CCDC91: variants seen among roughly 807,000 people sequenced by gnomAD.
CCDC91 encodes coiled-coil domain containing 91.
A neutral mutation model predicts 63.2 loss-of-function variants in CCDC91; 48 were observed. The ratio of observed to expected loss-of-function variants is 0.76; its 90% confidence interval spans 0.60 to 0.97. The LOEUF is 0.97. Among genes scored for constraint, CCDC91 ranks in the 50% least tolerant of loss-of-function variants. The pLI is 0.00. For missense variants in CCDC91, 500 were observed against 494.6 expected (o/e 1.01, Z -0.10); for synonymous variants, 167 against 165.8 (o/e 1.01, Z -0.06).
chr12:28,422,790 A>G (rs1439103665), intron 8 of CCDC91, among the ~76,000 whole-genome samples: 2 of 152,092 alleles, frequency 1.3e-5, no homozygotes, highest in Non-Finnish European at 2.9e-5. Context: ...GAGTAGGAAA[A>G]TCATCATCCT....
At chr12:28,452,681 AT>A in intron 11 of CCDC91, 27 bp downstream of exon 11, 1 of 1,278,872 alleles carries the variant, frequency 7.8e-7, no homozygotes, top group Non-Finnish European at 1.1e-6. Flanking sequence ...GTTAGTAAAT[AT>A]TTACTTTTTT....
chr12:28,213,392 A>G (rs1219041305), intron 1 of CCDC91, among the ~76,000 whole-genome samples: 2 of 152,252 alleles, frequency 1.3e-5, no homozygotes, highest in Non-Finnish European at 2.9e-5. Flanking sequence ...TTCTATTTAT[A>G]CAGACAAAAG....
At chr12:28,521,480 G>A (rs1173509602) in intron 12 of CCDC91, among the ~76,000 whole-genome samples, 14 of 152,048 alleles carry the variant, frequency 9.2e-5, no homozygotes, top group Non-Finnish European at 1.6e-4. Flanking sequence ...GGGCTGAGAC[G>A]ACGTGGTTTT....
At chr12:28,285,460 A>G (rs1948854167) in intron 3 of CCDC91, among the ~76,000 whole-genome samples, 1 of 152,068 alleles carries the variant, frequency 6.6e-6, no homozygotes, top group African/African-American at 2.4e-5. Flanking sequence ...CTCAAGGTCC[A>G]TTCTCTCCCT....
chr12:28,342,658 G>A (rs1352031290), intron 6 of CCDC91, among the ~76,000 whole-genome samples: 3 of 152,036 alleles, frequency 2.0e-5, no homozygotes, highest in African/African-American at 7.2e-5. Context: ...GATGGGGAGA[G>A]CAATACCCCT....
intron 1 of CCDC91, among the ~76,000 whole-genome samples, chr12:28,246,647 T>G (rs986992626): frequency 6.6e-6 from 1 of 152,100 alleles, no homozygotes; most frequent in African/African-American, 2.4e-5. Flanking sequence ...TTAGAAATAG[T>G]TATACAGTAT....
At chr12:28,545,229 A>C (rs891038187) in intron 12 of CCDC91, among the ~76,000 whole-genome samples, 2 of 152,090 alleles carry the variant, frequency 1.3e-5, no homozygotes, top group African/African-American at 4.8e-5. Context: ...CTTTGAAATG[A>C]AAGCCACAAA....
intron 3 of CCDC91, among the ~76,000 whole-genome samples, chr12:28,303,539 A>G (rs890530992): frequency 1.3e-5 from 2 of 152,178 alleles, no homozygotes; most frequent in Non-Finnish European, 2.9e-5. Context: ...AGTAACATAA[A>G]TAAATATTAA....
intron 8 of CCDC91, among the ~76,000 whole-genome samples, chr12:28,416,818 C>G (rs976587970): frequency 1.3e-5 from 2 of 152,086 alleles, no homozygotes; most frequent in Non-Finnish European, 2.9e-5. Flanking sequence ...TGTCAGTACT[C>G]AGACACAGAC....
intron 4 of CCDC91, among the ~76,000 whole-genome samples, chr12:28,306,477 A>G (rs1938743777): frequency 6.6e-6 from 1 of 152,072 alleles, no homozygotes; most frequent in South Asian, 2.1e-4. Flanking sequence ...GCACAGGAAA[A>G]AGTTAAGTCT....
At chr12:28,504,948 A>G (rs1279181870) in intron 12 of CCDC91, among the ~76,000 whole-genome samples, 3 of 151,984 alleles carry the variant, frequency 2.0e-5, no homozygotes, top group Admixed American at 6.6e-5. Flanking sequence ...AGTGGCACTT[A>G]CAGAAAAACC....
intron 1 of CCDC91, among the ~76,000 whole-genome samples, chr12:28,228,787 A>G (rs778232608): frequency 2.6e-5 from 4 of 152,142 alleles, no homozygotes; most frequent in Non-Finnish European, 5.9e-5. Flanking sequence ...TGTTAGGTTA[A>G]AAGAAATAAA....
At chr12:28,353,032 ACTAT>A (rs1444448230) in intron 6 of CCDC91, among the ~76,000 whole-genome samples, 1 of 152,192 alleles carries the variant, frequency 6.6e-6, no homozygotes, top group Non-Finnish European at 1.5e-5. Context: ...ACCTTCATCC[ACTAT>A]ATTAGCTAGA....
At chr12:28,411,851 A>G (rs556847841) in intron 8 of CCDC91, among the ~76,000 whole-genome samples, 1 of 152,202 alleles carries the variant, frequency 6.6e-6, no homozygotes, top group Non-Finnish European at 1.5e-5. Flanking sequence ...ACACCTCAAG[A>G]AAAAGCCTCA....
intron 6 of CCDC91, among the ~76,000 whole-genome samples, chr12:28,342,179 A>C (rs1240444226): frequency 6.6e-6 from 1 of 152,164 alleles, no homozygotes; most frequent in Non-Finnish European, 1.5e-5. Context: ...TGTGCAAAGA[A>C]CTGAATTTTG....
intron 6 of CCDC91, among the ~76,000 whole-genome samples, chr12:28,344,602 A>G (rs1942676676): frequency 6.6e-6 from 1 of 152,196 alleles, no homozygotes; most frequent in African/African-American, 2.4e-5. Flanking sequence ...TCAAAAATAA[A>G]AGGAAGACTC....
chr12:28,464,386 C>T (rs1287179927), intron 11 of CCDC91, among the ~76,000 whole-genome samples: 1 of 152,156 alleles, frequency 6.6e-6, no homozygotes, highest in Admixed American at 6.5e-5. Context: ...TGGCATCACC[C>T]ATCCCCAGCC....
chr12:28,275,783 G>T (rs1232265456), intron 3 of CCDC91, among the ~76,000 whole-genome samples: 1 of 151,972 alleles, frequency 6.6e-6, no homozygotes, highest in African/African-American at 2.4e-5. Context: ...ATGATCAAGT[G>T]GGCTTCATCC....
Position 28,263,843 on chromosome 12 carries a change from TTTG to T in CCDC91, c.109+4404_109+4406del, listed in dbSNP as rs1170724240. 4.6e-4 allele frequency among the ~76,000 whole-genome samples: 70 copies of T among 152,154 alleles called. 1 individual carries two copies. The highest frequency in any genetic ancestry group is 4.5e-3 in the Admixed American group (68 of 15,228). On this transcript the variant is annotated intron_variant, in intron 3 of 12. Coordinates refer to ENST00000536442, the MANE Select transcript of CCDC91 (RefSeq NM_018318.5). ...TTCTTGATGAGTAGAGCAGATTTAC[TTTG>T]TTAACTCTTCTTGATTATTTTTAAT...
Sources: gnomAD v4.1 joint callset for allele counts (sites outside exome capture counted in the v4.1 genomes callset) on GRCh38, gnomAD v4.1.1 for gene constraint, MANE v1.5 for transcripts, NCBI Gene and HGNC (gene_info 2026-07-23, HGNC 2026-07-21) for gene names.